The following CNTNAP4 variants were observed in gnomAD, a reference collection of about 807,000 sequenced individuals.
CNTNAP4 encodes the protein contactin associated protein family member 4.
CNTNAP4 carries 98 observed loss-of-function variants against 148.4 expected under a neutral mutation model. That is an observed-to-expected ratio of 0.66 (90% CI 0.56 to 0.78). The LOEUF (loss-of-function observed/expected upper bound fraction) is 0.78, where lower values mean the gene tolerates loss of function less well. Among genes scored for constraint, CNTNAP4 ranks in the 30% least tolerant of loss-of-function variants. The pLI is 0.00. For synonymous variants in CNTNAP4, 730 were observed against 565.1 expected (o/e 1.29, Z -4.14); for missense variants, 1,935 against 1,565.6 (o/e 1.24, Z -3.98).
At chr16:76,323,048 T>C (rs560207457) in intron 2 of CNTNAP4, among the ~76,000 whole-genome samples, 60 of 152,082 alleles carry the variant, frequency 3.9e-4, no homozygotes, top group Non-Finnish European at 6.3e-4. Flanking sequence ...GGTTTCACCA[T>C]GTTGGCAAGG....
intron 4 of CNTNAP4, among the ~76,000 whole-genome samples, chr16:76,441,056 C>T (rs1292422332): frequency 1.3e-5 from 2 of 152,090 alleles, no homozygotes; most frequent in African/African-American, 4.8e-5. Context: ...AGTTGAGACC[C>T]TTCTTAGAGG....
chr16:76,493,811 G>A (rs17617549), intron 13 of CNTNAP4, among the ~76,000 whole-genome samples: 8,011 of 152,138 alleles, frequency 0.053, 297 homozygotes, highest in Middle Eastern at 0.082. Context: ...TTGTTTTGAC[G>A]TGGCCAGACT....
chr16:76,421,684 A>G (rs1028595732), intron 3 of CNTNAP4, among the ~76,000 whole-genome samples: 7 of 129,716 alleles, frequency 5.4e-5, no homozygotes, highest in Admixed American at 1.5e-4. Flanking sequence ...TAGCATCTGA[A>G]TGTCAGCTGA....
intron 1 of CNTNAP4, among the ~76,000 whole-genome samples, chr16:76,279,790 G>A (rs1172711347): frequency 6.6e-6 from 1 of 152,104 alleles, no homozygotes; most frequent in Non-Finnish European, 1.5e-5. Flanking sequence ...AATATGATTT[G>A]CAGCAGTATG....
chr16:76,557,432 GA>G (rs1213509231), intron 23 of CNTNAP4: 3 of 152,304 alleles, frequency 2.0e-5, no homozygotes, highest in African/African-American at 7.2e-5. Context: ...TGGAGACAAT[GA>G]TCAGACTTCA....
At chr16:76,367,887 C>T (rs1261654330) in intron 3 of CNTNAP4, among the ~76,000 whole-genome samples, 1 of 152,130 alleles carries the variant, frequency 6.6e-6, no homozygotes, top group African/African-American at 2.4e-5. Context: ...TCCAATGTAG[C>T]TGGTATCTTA....
At chr16:76,360,551 A>G (rs559975934) in intron 3 of CNTNAP4, among the ~76,000 whole-genome samples, 7 of 152,210 alleles carry the variant, frequency 4.6e-5, no homozygotes, top group Non-Finnish European at 1.5e-5. Context: ...TAGAAGTTGT[A>G]GCAATACTAA....
chr16:76,521,789 C>T (rs760760605), intron 16 of CNTNAP4, among the ~76,000 whole-genome samples: 5 of 143,452 alleles, frequency 3.5e-5, no homozygotes, highest in Non-Finnish European at 4.5e-5. Context: ...AAAATTAGCT[C>T]TGAGGAGGAC....
rs767122669 is a variant in CNTNAP4, at chr16:76,553,855, T to C, written c.3681T>C (p.Asp1227=). ...HSFADHSGTI[D]DREPLANAIK... Reference sequence around the variant, plus strand: ...CTGCAGATCATTCTGGAACAATAGATGACAGAGAGCCCCTTGCTAATGCAA... The same window carrying C: ...CTGCAGATCATTCTGGAACAATAGACGACAGAGAGCCCCTTGCTAATGCAA... The change falls in exon 23 of 24, where the codon GAT becomes GAC. Residue 1227 remains aspartate (D), a synonymous_variant. Coordinates refer to ENST00000611870, the MANE Select transcript of CNTNAP4 (RefSeq NM_033401.5). The C allele has an allele frequency of 6.2e-7, 1 of 1,612,204 alleles. No homozygotes were observed.
At chr16:76,440,622 C>T (rs1006962680) in intron 4 of CNTNAP4, among the ~76,000 whole-genome samples, 3 of 152,074 alleles carry the variant, frequency 2.0e-5, no homozygotes, top group African/African-American at 4.8e-5. Context: ...TCAAACAACC[C>T]TCATGCTGCC....
At chr16:76,419,165 C>A (rs1394122424) in intron 3 of CNTNAP4, among the ~76,000 whole-genome samples, 2 of 151,912 alleles carry the variant, frequency 1.3e-5, no homozygotes, top group East Asian at 3.9e-4. Context: ...TCCCTCCTGC[C>A]AGCTACTGTC....
At chr16:76,334,899 G>C (rs1046150216) in intron 2 of CNTNAP4, among the ~76,000 whole-genome samples, 4 of 151,954 alleles carry the variant, frequency 2.6e-5, no homozygotes, top group Non-Finnish European at 1.5e-5. Context: ...GGTTAACCTT[G>C]ATAGCTCATA....
chr16:76,449,265 G>T lies in CNTNAP4; in HGVS notation c.927+314G>T, dbSNP rs528761230. 2.0e-5 allele frequency among the ~76,000 whole-genome samples: 3 copies of T among 152,300 alleles called. No homozygotes were observed. In the East Asian group the frequency reaches 5.8e-4, roughly 29 times the overall value. ...TTATTACCACAAGCAAATATAGGAT[G>T]TTTGCTATGACTTCTTTGTGTTCTA... On this transcript the variant is annotated intron_variant, in intron 6 of 23. Transcript: ENST00000611870.
chr16:76,359,846 A>C (rs936303964), intron 3 of CNTNAP4, among the ~76,000 whole-genome samples: 1 of 152,190 alleles, frequency 6.6e-6, no homozygotes, highest in Non-Finnish European at 1.5e-5. Context: ...ATAAGGTATA[A>C]TTTTCACTCA....
chr16:76,391,413 C>A (rs1200798561), intron 3 of CNTNAP4, among the ~76,000 whole-genome samples: 2 of 152,184 alleles, frequency 1.3e-5, no homozygotes, highest in Non-Finnish European at 2.9e-5. Context: ...AAATTGCTAA[C>A]GTTTCTTTTT....
At chr16:76,314,154 C>T (rs1298971093) in intron 1 of CNTNAP4, among the ~76,000 whole-genome samples, 1 of 152,086 alleles carries the variant, frequency 6.6e-6, no homozygotes, top group Admixed American at 6.6e-5. Context: ...TATGTATACA[C>T]ATTGATACAT....
intron 10 of CNTNAP4, among the ~76,000 whole-genome samples, chr16:76,475,535 CCT>C (rs1400354555): frequency 1.3e-5 from 2 of 152,172 alleles, no homozygotes; most frequent in African/African-American, 4.8e-5. Flanking sequence ...GAAAGGTATT[CCT>C]CTGTCTTCCT....
chr16:76,537,601 A>G (rs967945790), intron 18 of CNTNAP4, among the ~76,000 whole-genome samples: 1 of 152,102 alleles, frequency 6.6e-6, no homozygotes. Flanking sequence ...TACTAGACTT[A>G]GCTTTCTTTT....
intron 4 of CNTNAP4, among the ~76,000 whole-genome samples, chr16:76,444,620 A>C (rs1224297514): frequency 6.6e-6 from 1 of 152,146 alleles, no homozygotes; most frequent in African/African-American, 2.4e-5. Context: ...CACATAACTC[A>C]GAATTTTGTA....
Sources: gnomAD v4.1 joint callset for allele counts (sites outside exome capture counted in the v4.1 genomes callset) on GRCh38, gnomAD v4.1.1 for gene constraint, MANE v1.5 for transcripts, NCBI Gene and HGNC (gene_info 2026-07-23, HGNC 2026-07-21) for gene names.